Variants in TUSC3 observed in about 807,000 individuals in gnomAD.
TUSC3 encodes the protein dolichyl-diphosphooligosaccharide--protein glycosyltransferase subunit TUSC3.
In TUSC3, 45 loss-of-function variants were observed where a neutral mutation model predicts 44.8. The ratio of observed to expected loss-of-function variants is 1.00; its 90% CI spans 0.79 to 1.29. The LOEUF is 1.29. Among genes scored for constraint, TUSC3 ranks in the 50% most tolerant of loss-of-function variants. TUSC3 has a pLI of 0.00. For missense variants in TUSC3, 519 were observed against 437.9 expected, an observed-to-expected ratio of 1.19 and a Z score of -1.65; for synonymous variants, 212 against 152.9, an observed-to-expected ratio of 1.39 and a Z score of -2.85.
chr8:15,637,965 G>A (rs555534808), intron 2 of TUSC3, among the ~76,000 whole-genome samples: 12 of 152,220 alleles, frequency 7.9e-5, no homozygotes, highest in Admixed American at 5.9e-4. Context: ...ACTAATGCAT[G>A]TCTGCTTCTT....
intron 2 of TUSC3, among the ~76,000 whole-genome samples, chr8:15,639,315 C>T (rs1806254741): frequency 6.6e-6 from 1 of 152,232 alleles, no homozygotes; most frequent in Non-Finnish European, 1.5e-5. Flanking sequence ...TGTGTTGATG[C>T]TAGATCACGT....
chr8:15,519,300 T>A (rs1394279061), intron 2 of TUSC3, among the ~76,000 whole-genome samples: 4 of 152,214 alleles, frequency 2.6e-5, no homozygotes, highest in African/African-American at 9.6e-5. Context: ...TATCTTTTTA[T>A]ATTAATCCCA....
the TUSC3 span, among the ~76,000 whole-genome samples, chr8:15,831,847 G>A: frequency 1.6e-4 from 24 of 152,152 alleles, no homozygotes; most frequent in Admixed American, 8.5e-4. Flanking sequence ...TGGAGAGAGT[G>A]TGAGCAACTT....
intron 2 of TUSC3, among the ~76,000 whole-genome samples, chr8:15,489,866 T>A (rs1800783689): frequency 6.6e-6 from 1 of 152,226 alleles, no homozygotes. Context: ...GGGCTTAGAA[T>A]TCATAATATA....
At chr8:15,637,203 T>C (rs1012315965) in intron 2 of TUSC3, among the ~76,000 whole-genome samples, 1 of 151,876 alleles carries the variant, frequency 6.6e-6, no homozygotes, top group Non-Finnish European at 1.5e-5. Flanking sequence ...CTCCATATGT[T>C]TAATATTTTA....
chr8:15,613,967 C>G (rs762752603), intron 1 of TUSC3, among the ~76,000 whole-genome samples: 9 of 151,366 alleles, frequency 5.9e-5, no homozygotes, highest in Admixed American at 5.9e-4. Flanking sequence ...TGTGTTATCT[C>G]CCATGTGTAC....
At chr8:15,737,410 G>T (rs549792208) in intron 7 of TUSC3, among the ~76,000 whole-genome samples, 2 of 152,082 alleles carry the variant, frequency 1.3e-5, no homozygotes, top group African/African-American at 4.8e-5. Flanking sequence ...AATGCTCAGT[G>T]CCTCTGGGTA....
intron 1 of TUSC3, among the ~76,000 whole-genome samples, chr8:15,586,052 G>C (rs1407657250): frequency 6.6e-6 from 1 of 152,144 alleles, no homozygotes; most frequent in African/African-American, 2.4e-5. Flanking sequence ...AACTAGGAGA[G>C]TATGGTATGT....
intron 1 of TUSC3, among the ~76,000 whole-genome samples, chr8:15,430,741 G>A (rs1799863068): frequency 6.6e-6 from 1 of 151,642 alleles, no homozygotes; most frequent in Non-Finnish European, 1.5e-5. Flanking sequence ...CATTGTCTCA[G>A]CCCAAAATCT....
chr8:15,631,809 G>A (rs774700518), intron 2 of TUSC3, among the ~76,000 whole-genome samples: 1 of 151,860 alleles, frequency 6.6e-6, no homozygotes, highest in African/African-American at 2.4e-5. Context: ...GGGTTCAAGC[G>A]ATTCTCCTGC....
intron 2 of TUSC3, among the ~76,000 whole-genome samples, chr8:15,497,498 C>G (rs971614507): frequency 6.6e-6 from 1 of 152,110 alleles, no homozygotes; most frequent in Admixed American, 6.6e-5. Context: ...TACACAAACG[C>G]TATAGACCCA....
chr8:15,556,869 A>T, intron 1 of TUSC3, among the ~76,000 whole-genome samples: 1 of 139,356 alleles, frequency 7.2e-6, no homozygotes, highest in Non-Finnish European at 1.6e-5. Context: ...TTTTCTTGTA[A>T]ATTTGTTTGA....
the TUSC3 span, among the ~76,000 whole-genome samples, chr8:15,817,690 C>G: frequency 2.0e-5 from 3 of 152,148 alleles, no homozygotes; most frequent in Non-Finnish European, 2.9e-5. Context: ...TTGCCCAAGG[C>G]CTCCCAAGCC....
intron 1 of TUSC3, among the ~76,000 whole-genome samples, chr8:15,434,432 T>C (rs184820077): frequency 6.8e-4 from 103 of 152,316 alleles, no homozygotes; most frequent in African/African-American, 2.3e-3. Context: ...TTTCTTTTTT[T>C]TAGTAATGTC....
intron 6 of TUSC3, among the ~76,000 whole-genome samples, chr8:15,719,206 C>T (rs142905814): frequency 4.3e-4 from 65 of 152,134 alleles, no homozygotes; most frequent in African/African-American, 1.5e-3. Context: ...TAAGTCTTCA[C>T]CAGCACATTG....
chr8:15,648,773 C>G (rs1323530316), intron 2 of TUSC3, among the ~76,000 whole-genome samples: 1 of 97,878 alleles, frequency 1.0e-5, no homozygotes, highest in African/African-American at 4.0e-5. Context: ...TCCTGTTGAA[C>G]AAAGCATCAT....
intron 2 of TUSC3, among the ~76,000 whole-genome samples, chr8:15,496,284 T>C (rs889019716): frequency 6.6e-6 from 1 of 152,224 alleles, no homozygotes; most frequent in Admixed American, 6.5e-5. Context: ...TTCTGCCCTC[T>C]GCTAAAGCAA....
chr8:15,757,683 G>C (rs1811983917), intron 9 of TUSC3, 108 bp from the exon 10 acceptor site: 1 of 1,383,732 alleles, frequency 7.2e-7, no homozygotes, highest in South Asian at 1.2e-5. Context: ...GTCTTATCTA[G>C]ATAAAGAATG....
At chr8:15,443,256 C>T (rs1408988839) in intron 1 of TUSC3, among the ~76,000 whole-genome samples, 1 of 151,836 alleles carries the variant, frequency 6.6e-6, no homozygotes, top group Non-Finnish European at 1.5e-5. Flanking sequence ...TCACTGCAGT[C>T]TCGAGCTCCT....
Sources: gnomAD v4.1 joint callset for allele counts (sites outside exome capture counted in the v4.1 genomes callset) on GRCh38, gnomAD v4.1.1 for gene constraint, MANE v1.5 for transcripts, NCBI Gene and HGNC (gene_info 2026-07-23, HGNC 2026-07-21) for gene names.